ZNF804A: variants seen among roughly 807,000 people sequenced by gnomAD.
ZNF804A encodes the protein zinc finger protein 804A.
In ZNF804A, 2 loss-of-function variants were observed where a neutral mutation model predicts 16.5. The ratio of observed to expected loss-of-function variants is 0.12; its 90% CI spans 0.05 to 0.38. The LOEUF (loss-of-function observed/expected upper bound fraction) is 0.38, where lower values mean the gene tolerates loss of function less well. Among genes scored for constraint, ZNF804A ranks in the 10% least tolerant of loss-of-function variants. The pLI, the probability that ZNF804A is intolerant of heterozygous loss-of-function variation, is 0.99. For missense variants in ZNF804A, 1,473 were observed against 1,390.7 expected, an observed-to-expected ratio of 1.06 and a Z score of -0.94; for synonymous variants, 534 against 489.6, an observed-to-expected ratio of 1.09 and a Z score of -1.20.
intron 1 of ZNF804A, among the ~76,000 whole-genome samples, chr2:184,730,451 A>G (rs1337338053): frequency 1.3e-5 from 2 of 152,202 alleles, no homozygotes; most frequent in Non-Finnish European, 2.9e-5. Context: ...GTTTTGACAA[A>G]TGTATAATGA....
At chr2:184,756,920 A>T (rs1225104724) in intron 1 of ZNF804A, among the ~76,000 whole-genome samples, 1 of 152,056 alleles carries the variant, frequency 6.6e-6, no homozygotes, top group Non-Finnish European at 1.5e-5. Context: ...TTAGTGCCAA[A>T]CAATTTATGA....
intron 1 of ZNF804A, among the ~76,000 whole-genome samples, chr2:184,698,901 A>G (rs1478954338): frequency 6.6e-6 from 1 of 152,062 alleles, no homozygotes; most frequent in African/African-American, 2.4e-5. Context: ...AATTGCTTTC[A>G]TTTTGAATGG....
intron 1 of ZNF804A, among the ~76,000 whole-genome samples, chr2:184,852,147 T>TC (rs1349450222): frequency 6.6e-6 from 1 of 151,778 alleles, no homozygotes; most frequent in African/African-American, 2.4e-5. Flanking sequence ...GAGGATATTT[T>TC]CCAAGATCTA....
At chr2:184,698,351 C>A (rs1015880147) in intron 1 of ZNF804A, among the ~76,000 whole-genome samples, 9 of 152,030 alleles carry the variant, frequency 5.9e-5, no homozygotes, top group African/African-American at 2.2e-4. Context: ...TTGATAACTT[C>A]TCTTATACAG....
chr2:184,619,039 C>T (rs1050603669), intron 1 of ZNF804A, among the ~76,000 whole-genome samples: 1 of 151,962 alleles, frequency 6.6e-6, no homozygotes, highest in African/African-American at 2.4e-5. Context: ...TAATTGCTGG[C>T]TTTGCTGCAG....
At chr2:184,630,219 C>T (rs1435346893) in intron 1 of ZNF804A, among the ~76,000 whole-genome samples, 1 of 152,054 alleles carries the variant, frequency 6.6e-6, no homozygotes, top group African/African-American at 2.4e-5. Context: ...TCTATATTTA[C>T]AGTCTTTTAT....
chr2:184,696,077 A>G (rs958280168), intron 1 of ZNF804A, among the ~76,000 whole-genome samples: 2 of 152,190 alleles, frequency 1.3e-5, no homozygotes, highest in Non-Finnish European at 2.9e-5. Context: ...CTACACTTCT[A>G]TAATGTAATT....
At chr2:184,885,384 A>G (rs1289992373) in intron 2 of ZNF804A, among the ~76,000 whole-genome samples, 1 of 152,172 alleles carries the variant, frequency 6.6e-6, no homozygotes, top group Non-Finnish European at 1.5e-5. Flanking sequence ...AACGACACAC[A>G]TGCTTATGTT....
intron 2 of ZNF804A, among the ~76,000 whole-genome samples, chr2:184,910,211 G>A (rs1051114440): frequency 1.3e-5 from 2 of 151,952 alleles, no homozygotes; most frequent in South Asian, 4.1e-4. Context: ...TCCCATTTGT[G>A]AGAACATGTG....
intron 2 of ZNF804A, among the ~76,000 whole-genome samples, chr2:184,895,729 CT>C (rs1685054476): frequency 6.6e-6 from 1 of 152,162 alleles, no homozygotes; most frequent in Non-Finnish European, 1.5e-5. Context: ...TTACTTCAAC[CT>C]TGATTTTCTT....
chr2:184,897,325 C>T (rs1372297448), intron 2 of ZNF804A, among the ~76,000 whole-genome samples: 1 of 151,878 alleles, frequency 6.6e-6, no homozygotes, highest in Non-Finnish European at 1.5e-5. Flanking sequence ...GTGTTTTTTT[C>T]CCCTTTCCAT....
chr2:184,706,952 G>T (rs182408057), intron 1 of ZNF804A, among the ~76,000 whole-genome samples: 1 of 152,250 alleles, frequency 6.6e-6, no homozygotes, highest in East Asian at 1.9e-4. Flanking sequence ...AATAGTTTTA[G>T]TAAAGCATAT....
Position 184,660,297 on chromosome 2 carries a change from G to A in ZNF804A, c.111+61227G>A, listed in dbSNP as rs1692149812. Among the ~76,000 whole-genome samples the A allele has an allele frequency of 2.0e-5, 3 of 152,068 alleles. No individual in the cohort carries two copies. The South Asian group carries it at 6.2e-4, about 31-fold the overall frequency. On this transcript the variant is annotated intron_variant, in intron 1 of 3. Transcript: ENST00000302277. ...GACATGTTTTTATTTTGCCTAATCT[G>A]TTTTACATTATTCTTGCCAGCTACT...
At chr2:184,744,602 G>A (rs1446570734) in intron 1 of ZNF804A, among the ~76,000 whole-genome samples, 3 of 151,908 alleles carry the variant, frequency 2.0e-5, no homozygotes, top group East Asian at 3.9e-4. Context: ...CCAGAACCAT[G>A]AGAAGGGAAT....
chr2:184,767,311 C>T (rs1017892592), intron 1 of ZNF804A, among the ~76,000 whole-genome samples: 3 of 151,974 alleles, frequency 2.0e-5, no homozygotes, highest in Non-Finnish European at 4.4e-5. Context: ...AATGGATCAA[C>T]CTTGAGGAAA....
At chr2:184,913,377 G>A (rs1275258585) in intron 2 of ZNF804A, among the ~76,000 whole-genome samples, 1 of 152,076 alleles carries the variant, frequency 6.6e-6, no homozygotes, top group Non-Finnish European at 1.5e-5. Context: ...TTCTTTGTAT[G>A]ACTTCAAGTT....
At chr2:184,794,680 G>A (rs142604234) in intron 1 of ZNF804A, among the ~76,000 whole-genome samples, 175 of 152,144 alleles carry the variant, frequency 1.2e-3, no homozygotes, top group East Asian at 3.9e-3. Flanking sequence ...GAATGTAAGC[G>A]GCCTAAATGC....
At chr2:184,712,994 T>G (rs894453969) in intron 1 of ZNF804A, among the ~76,000 whole-genome samples, 3 of 151,842 alleles carry the variant, frequency 2.0e-5, no homozygotes, top group Non-Finnish European at 4.4e-5. Context: ...TGAGCGTTTA[T>G]AAGGAAATTT....
intron 1 of ZNF804A, among the ~76,000 whole-genome samples, chr2:184,629,141 CG>C (rs1223093030): frequency 2.0e-5 from 3 of 152,044 alleles, no homozygotes; most frequent in Admixed American, 2.0e-4. Flanking sequence ...TATTGATTCA[CG>C]GGCATTCTTT....
Sources: allele counts gnomAD v4.1 joint callset (sites outside exome capture counted in the v4.1 genomes callset), GRCh38; gene constraint gnomAD v4.1.1; transcripts MANE v1.5; gene names NCBI Gene and HGNC (gene_info 2026-07-23, HGNC 2026-07-21).